The following OSBPL10 variants were observed in gnomAD, a reference collection of about 807,000 sequenced individuals.
The protein encoded by OSBPL10 is oxysterol binding protein like 10.
Under a neutral mutation model 81.7 loss-of-function variants are expected in OSBPL10, and 49 were observed. The observed-to-expected ratio is 0.60, with a 90% CI of 0.48 to 0.76. The LOEUF (loss-of-function observed/expected upper bound fraction) is 0.76, where lower values mean the gene tolerates loss of function less well. Among genes scored for constraint, OSBPL10 ranks in the 30% least tolerant of loss-of-function variants. The probability of loss-of-function intolerance (pLI) is 0.00; values close to 1 mark genes in which losing one functional copy is unlikely to be tolerated. For synonymous variants in OSBPL10, 419 were observed against 383.6 expected, an observed-to-expected ratio of 1.09 and a Z score of -1.08; for missense variants, 923 against 987.8, an observed-to-expected ratio of 0.93 and a Z score of 0.88.
At chr3:32,038,520 C>T (rs369274404) in intron 2 of OSBPL10, among the ~76,000 whole-genome samples, 2 of 152,134 alleles carry the variant, frequency 1.3e-5, no homozygotes, top group East Asian at 3.8e-4. Context: ...CAGGGTTTCA[C>T]CTTGTTGGTC....
chr3:31,690,889 C>T (rs778415888), intron 7 of OSBPL10, among the ~76,000 whole-genome samples: 4 of 150,786 alleles, frequency 2.7e-5, no homozygotes, highest in Non-Finnish European at 5.9e-5. Context: ...CTGATTTCTT[C>T]CTCTCCTACA....
rs151311239 is a variant in OSBPL10, at chr3:31,745,413, G to T, written c.940+2497C>A. On this transcript the variant is annotated intron_variant, in intron 5 of 11. Coordinates refer to ENST00000396556, the MANE Select transcript of OSBPL10 (RefSeq NM_017784.5). ...AAAGGTGAAGCAAACATCATAACATGTTACTGTTTGGGGAATTTGAAGAAG... is the reference window on the plus strand; with the variant it reads ...AAAGGTGAAGCAAACATCATAACATTTTACTGTTTGGGGAATTTGAAGAAG... Among the ~76,000 whole-genome samples, 1,244 of 152,284 alleles carry T rather than the reference G, an allele frequency of 8.2e-3. 16 individuals carry two copies. Among genetic ancestry groups the T allele is most frequent in the African/African-American group, 0.018 (747 of 41,562 alleles).
intron 4 of OSBPL10, among the ~76,000 whole-genome samples, chr3:31,826,979 T>C (rs1023223952): frequency 1.3e-5 from 2 of 152,220 alleles, no homozygotes; most frequent in Middle Eastern, 3.2e-3. Flanking sequence ...TTTTGAGTAA[T>C]AAAGGTTATC....
At chr3:31,745,560 T>C (rs551498973) in intron 5 of OSBPL10, among the ~76,000 whole-genome samples, 10 of 152,296 alleles carry the variant, frequency 6.6e-5, no homozygotes, top group Admixed American at 3.9e-4. Flanking sequence ...TGGCCTCAGT[T>C]TGGGGGACTG....
intron 4 of OSBPL10, among the ~76,000 whole-genome samples, chr3:31,760,150 T>G (rs1468638527): frequency 6.6e-6 from 1 of 152,216 alleles, no homozygotes; most frequent in Non-Finnish European, 1.5e-5. Flanking sequence ...GTCTTCGTCC[T>G]TTTCTTCACA....
Position 32,028,892 on chromosome 3 carries a change from A to G in OSBPL10, n.298+17599T>C, listed in dbSNP as rs1033202897. Among the ~76,000 whole-genome samples the G allele has an allele frequency of 4.0e-5, 6 of 151,008 alleles. No homozygotes were observed. In the East Asian group the frequency reaches 1.2e-3, roughly 30 times the overall value. On this transcript the variant is annotated intron_variant and non_coding_transcript_variant, in intron 2 of 3. Coordinates refer to the OSBPL10 transcript ENST00000479173. ...ATCTCTAAGATTATTTCAAACATCT[A>G]CTTACAGATATTGTTACAGTAGGTA... is the stretch of plus-strand genomic sequence containing the variant.
At chr3:31,900,724 A>C (rs1332878777) in intron 1 of OSBPL10, among the ~76,000 whole-genome samples, 1 of 152,370 alleles carries the variant, frequency 6.6e-6, no homozygotes, top group Admixed American at 6.5e-5. Context: ...TGGATGTTAT[A>C]GGTATTGAGG....
chr3:31,670,590 G>A (rs968348609), intron 9 of OSBPL10, among the ~76,000 whole-genome samples: 1 of 152,148 alleles, frequency 6.6e-6, no homozygotes, highest in African/African-American at 2.4e-5. Flanking sequence ...ATGCATCACC[G>A]AAGATTTAAC....
chr3:31,939,481 C>G (rs1255943725), intron 1 of OSBPL10, among the ~76,000 whole-genome samples: 2 of 151,778 alleles, frequency 1.3e-5, no homozygotes, highest in Non-Finnish European at 2.9e-5. Flanking sequence ...AAAAAATTCC[C>G]CTCAGACCTA....
chr3:32,057,988 C>T lies in OSBPL10; in HGVS notation n.186-11385G>A, dbSNP rs371238222. ...ACTGCATGGACTTGTATGGGTATGA[C>T]AATAAGAATAATTCAAAGAATTAAT... On this transcript the variant is annotated intron_variant and non_coding_transcript_variant, in intron 1 of 3. Coordinates refer to the OSBPL10 transcript ENST00000479173. Among the ~76,000 whole-genome samples the T allele has an allele frequency of 3.5e-4, 53 of 152,202 alleles. 2 individuals are homozygous for T. The highest frequency in any genetic ancestry group is 1.2e-3 in the South Asian group (6 of 4,816).
At chr3:32,074,716 C>T (rs796521130) in intron 1 of OSBPL10, among the ~76,000 whole-genome samples, 25 of 152,298 alleles carry the variant, frequency 1.6e-4, no homozygotes, top group African/African-American at 6.0e-4. Context: ...AACCGAACCC[C>T]TCCCTCTATG....
At chr3:31,680,696 C>G (rs1280201238) in intron 8 of OSBPL10, among the ~76,000 whole-genome samples, 1 of 152,158 alleles carries the variant, frequency 6.6e-6, no homozygotes, top group Non-Finnish European at 1.5e-5. Context: ...CTTGGAAGAA[C>G]ACCAACCTTG....
chr3:31,710,284 C>G (rs1274583628), intron 6 of OSBPL10, among the ~76,000 whole-genome samples: 2 of 152,270 alleles, frequency 1.3e-5, no homozygotes, highest in Admixed American at 6.5e-5. Flanking sequence ...GGCTGGCACA[C>G]AAGAAGTGCT....
intron 3 of OSBPL10, among the ~76,000 whole-genome samples, chr3:31,832,164 G>A (rs951807516): frequency 6.6e-6 from 1 of 152,062 alleles, no homozygotes. Context: ...TCCAACATGA[G>A]GTAAATAAGT....
chr3:31,671,381 A>C (rs886834197), intron 8 of OSBPL10, among the ~76,000 whole-genome samples: 3 of 152,102 alleles, frequency 2.0e-5, no homozygotes, highest in Admixed American at 2.0e-4. Flanking sequence ...CAGGGGGAAG[A>C]GCATGTGCAA....
At chr3:31,799,010 C>T (rs937325729) in intron 4 of OSBPL10, among the ~76,000 whole-genome samples, 50 of 152,224 alleles carry the variant, frequency 3.3e-4, no homozygotes, top group Admixed American at 2.4e-3. Context: ...TGCTGATTCA[C>T]CGCTCACCTC....
At chr3:32,026,011 C>CATAGATAGATAGATAGATAGATAA (rs1699402176) in intron 2 of OSBPL10, among the ~76,000 whole-genome samples, 4 of 128,276 alleles carry the variant, frequency 3.1e-5, no homozygotes, top group African/African-American at 1.2e-4. Flanking sequence ...TATATACAGA[C>CATAGATAGATAGATAGATAGATAA]ATAGATAGAT....
chr3:31,828,966 G>GA (rs1360640109), intron 4 of OSBPL10, among the ~76,000 whole-genome samples: 2 of 151,344 alleles, frequency 1.3e-5, no homozygotes, highest in Non-Finnish European at 2.9e-5. Context: ...AATCTTTCAA[G>GA]AAAAAAAAAT....
chr3:31,691,705 T>C lies in OSBPL10; in HGVS notation c.1246-7591A>G, dbSNP rs1041282723. On this transcript the variant is annotated intron_variant, in intron 7 of 11. Transcript: ENST00000396556. ...ATGATTGCACCACTGTATGCCAGCC[T>C]GAGTTGTCTCTTTAAAGAAAGAGAA... Among the ~76,000 whole-genome samples the C allele has an allele frequency of 7.9e-5, 12 of 152,044 alleles. No homozygotes were observed. In the East Asian group the frequency reaches 2.3e-3, roughly 29 times the overall value.
Sources: gnomAD v4.1 joint callset for allele counts (sites outside exome capture counted in the v4.1 genomes callset) on GRCh38, gnomAD v4.1.1 for gene constraint, MANE v1.5 for transcripts, NCBI Gene and HGNC (gene_info 2026-07-23, HGNC 2026-07-21) for gene names.